Variants in ANP32A observed in about 807,000 individuals in gnomAD.
The protein encoded by ANP32A is acidic nuclear phosphoprotein 32 family member A, also known as acidic leucine-rich nuclear phosphoprotein 32 family member A.
In ANP32A, 1 loss-of-function variant was observed where a neutral mutation model predicts 33.9. The ratio of observed to expected loss-of-function variants is 0.03; its 90% CI spans 0.01 to 0.14. The LOEUF (loss-of-function observed/expected upper bound fraction) is 0.14. Among genes scored for constraint, ANP32A ranks in the 10% least tolerant of loss-of-function variants. The pLI is 1.00. For synonymous variants in ANP32A, 115 were observed against 120.5 expected (o/e 0.95, Z 0.30); for missense variants, 155 against 306.0 (o/e 0.51, Z 3.68).
chr15:68,791,604 A>C (rs1893998802), intron 1 of ANP32A: 1 of 152,596 alleles, frequency 6.6e-6, no homozygotes, highest in African/African-American at 2.4e-5. Flanking sequence ...GGGGCCTGGG[A>C]CCCTGCTCTT....
chr15:68,803,089 A>G (rs1488269270), intron 1 of ANP32A, among the ~76,000 whole-genome samples: 1 of 152,124 alleles, frequency 6.6e-6, no homozygotes, highest in African/African-American at 2.4e-5. Flanking sequence ...TTCTGCTCCC[A>G]AAGTGTCCAG....
intron 1 of ANP32A, chr15:68,789,636 G>A (rs1893975732): frequency 6.6e-6 from 1 of 152,434 alleles, no homozygotes; most frequent in Non-Finnish European, 1.5e-5. Flanking sequence ...GGGGAGCACT[G>A]GGGTACACAT....
At chr15:68,807,586 C>A (rs1372472459) in intron 1 of ANP32A, among the ~76,000 whole-genome samples, 1 of 152,188 alleles carries the variant, frequency 6.6e-6, no homozygotes, top group East Asian at 1.9e-4. Flanking sequence ...GACTCCACCC[C>A]ACCCCCACCG....
intron 5 of ANP32A, chr15:68,782,639 G>C (rs1048997127): frequency 2.1e-5 from 7 of 337,578 alleles, no homozygotes; most frequent in African/African-American, 1.5e-4. Flanking sequence ...GCATATGAAA[G>C]CAAAAAGCAG....
intron 1 of ANP32A, among the ~76,000 whole-genome samples, chr15:68,820,186 G>T (rs555224677): frequency 2.0e-5 from 3 of 152,196 alleles, no homozygotes; most frequent in Non-Finnish European, 2.9e-5. Context: ...TTGTGTGTGC[G>T]AGCGAGCGAG....
intron 1 of ANP32A, among the ~76,000 whole-genome samples, chr15:68,807,417 C>CCGGGG (rs1894246818): frequency 1.4e-5 from 1 of 69,922 alleles, no homozygotes; most frequent in Non-Finnish European, 3.6e-5. Context: ...CGCCCCACCT[C>CCGGGG]CACAGAAAAC....
At chr15:68,805,608 C>T (rs1894208285) in intron 1 of ANP32A, among the ~76,000 whole-genome samples, 1 of 152,208 alleles carries the variant, frequency 6.6e-6, no homozygotes. Context: ...TCCCATGAAT[C>T]ATCCCATGAA....
intron 1 of ANP32A, chr15:68,789,936 C>G (rs1893979288): frequency 6.6e-6 from 1 of 152,382 alleles, no homozygotes; most frequent in South Asian, 2.1e-4. Context: ...GCCACCTTCT[C>G]AAGGTCATGG....
chr15:68,794,667 T>C (rs544050559), intron 1 of ANP32A, among the ~76,000 whole-genome samples: 66 of 152,370 alleles, frequency 4.3e-4, no homozygotes, highest in Non-Finnish European at 7.8e-4. Flanking sequence ...TAGATGCTTG[T>C]GATTTTGTTG....
intron 1 of ANP32A, chr15:68,789,639 G>T (rs1395942959): frequency 6.6e-6 from 1 of 152,434 alleles, no homozygotes; most frequent in Non-Finnish European, 1.5e-5. Context: ...GAGCACTGGG[G>T]TACACATCTG....
chr15:68,806,484 C>T (rs1894226209), intron 1 of ANP32A, among the ~76,000 whole-genome samples: 1 of 152,186 alleles, frequency 6.6e-6, no homozygotes, highest in African/African-American at 2.4e-5. Flanking sequence ...TACTCCCACC[C>T]CAAAGAGCAA....
Position 68,780,816 on chromosome 15 carries a change from T to TC in ANP32A, c.625-344dup. On this transcript the variant is annotated intron_variant, in intron 5 of 6. Coordinates refer to ENST00000465139, the MANE Select transcript of ANP32A (RefSeq NM_006305.4). This position sits in a 1 kb window ranked among gnomAD's most constrained non-coding sequence, Gnocchi z 4.3. ...AGGCAGCTCTCCAGTCTGCACATTC[T>TC]CTGAGGAGAACAAGTTCCCGAGCAG... 1 of 207,598 alleles carries TC rather than the reference T, an allele frequency of 4.8e-6. No individual in the cohort carries two copies. 12.9% of individuals were successfully genotyped at this position (207,598 alleles called of 1,614,324 possible).
intron 1 of ANP32A, among the ~76,000 whole-genome samples, chr15:68,808,622 G>A (rs938778186): frequency 9.2e-5 from 14 of 152,350 alleles, no homozygotes; most frequent in African/African-American, 3.1e-4. Flanking sequence ...GCCTGCCCAT[G>A]AAGCCAATGG....
Position 68,819,865 on chromosome 15 carries a change from C to G in ANP32A, c.54+833G>C, listed in dbSNP as rs546661292. 9.9e-5 allele frequency among the ~76,000 whole-genome samples: 15 copies of G among 152,274 alleles called. No homozygotes were observed. The South Asian group carries it at 3.1e-3, about 32-fold the overall frequency. ...CCTCCCCCTCCTTCTAATTTATCCT[C>G]CCTTCGGAAGGAAAGGAAGAAACAT... On this transcript the variant is annotated intron_variant, in intron 1 of 6. Coordinates refer to ENST00000465139, the MANE Select transcript of ANP32A (RefSeq NM_006305.4).
chr15:68,796,069 G>A (rs1596068263), intron 1 of ANP32A, among the ~76,000 whole-genome samples: 1 of 152,148 alleles, frequency 6.6e-6, no homozygotes, highest in Non-Finnish European at 1.5e-5. Flanking sequence ...ACGACCCAGT[G>A]AAAATCTTAC....
At chr15:68,791,951 C>G (rs1894003141) in intron 1 of ANP32A, 1 of 152,752 alleles carries the variant, frequency 6.5e-6, no homozygotes, top group Non-Finnish European at 1.5e-5. Flanking sequence ...AAAGACATCC[C>G]ATTCCCTTCC....
intron 5 of ANP32A, among the ~76,000 whole-genome samples, chr15:68,782,614 T>C (rs757062927): frequency 6.6e-5 from 10 of 152,190 alleles, no homozygotes; most frequent in Non-Finnish European, 1.2e-4. Flanking sequence ...AAGTGCTCAA[T>C]GAATATCTTA....
Position 68,780,186 on chromosome 15 carries a change from A to C in ANP32A, c.689-44T>G, listed in dbSNP as rs372775899. The C allele has an allele frequency of 2.9e-5, 46 of 1,609,600 alleles. No individual in the cohort carries two copies. The African/African-American group carries it at 5.8e-4, about 20-fold the overall frequency. ...GGCATTTAGATTAGTTATTAATCCC[A>C]CCTCTTTAACTCAACCCACCCAGTG... On this transcript the variant is annotated intron_variant, in intron 6 of 6. Coordinates refer to ENST00000465139, the MANE Select transcript of ANP32A (RefSeq NM_006305.4). This position sits in a 1 kb window ranked among gnomAD's most constrained non-coding sequence, Gnocchi z 4.3.
intron 4 of ANP32A, chr15:68,784,156 C>G (rs1893903975): frequency 6.9e-6 from 4 of 579,944 alleles, no homozygotes; most frequent in Non-Finnish European, 1.2e-5. Context: ...GCATGGGACT[C>G]ATGCTTTGTT....
Sources: gnomAD v4.1 joint callset for allele counts (sites outside exome capture counted in the v4.1 genomes callset) on GRCh38, gnomAD v4.1.1 for gene constraint, Gnocchi (gnomAD v3.1) non-coding constraint, MANE v1.5 for transcripts, NCBI Gene and HGNC (gene_info 2026-07-23, HGNC 2026-07-21) for gene names.